Variants in TAFA5 observed in about 807,000 individuals in gnomAD.
The protein encoded by TAFA5 is chemokine-like protein TAFA-5.
In TAFA5, 6 loss-of-function variants were observed where a neutral mutation model predicts 15.3. The ratio of observed to expected loss-of-function variants is 0.39; its 90% confidence interval spans 0.21 to 0.77. The LOEUF (loss-of-function observed/expected upper bound fraction) is 0.77, where lower values mean the gene tolerates loss of function less well. Ranked by LOEUF, TAFA5 falls within the 30% of genes least tolerant of loss-of-function variation. TAFA5 has a pLI of 0.41. For missense variants in TAFA5, 161 were observed against 193.1 expected (o/e 0.83, Z 0.98); for synonymous variants, 103 against 80.7 (o/e 1.28, Z -1.48).
intron 1 of TAFA5, among the ~76,000 whole-genome samples, chr22:48,542,662 G>GGTGTGTGTGTGA (rs1922494640): frequency 1.2e-5 from 1 of 82,934 alleles, no homozygotes; most frequent in East Asian, 3.4e-4. Context: ...TGTGTGTGTG[G>GGTGTGTGTGTGA]TGTGTGTGTG....
At chr22:48,683,367 A>T (rs1001710591) in intron 2 of TAFA5, among the ~76,000 whole-genome samples, 2 of 152,258 alleles carry the variant, frequency 1.3e-5, no homozygotes, top group Admixed American at 6.5e-5. Context: ...CAGGTACGGC[A>T]CTTGCTGGGC....
intron 2 of TAFA5, among the ~76,000 whole-genome samples, chr22:48,664,192 T>A (rs1471880885): frequency 6.6e-6 from 1 of 152,114 alleles, no homozygotes; most frequent in Non-Finnish European, 1.5e-5. Context: ...GGCAGCTGGG[T>A]TTGGTACTCT....
intron 2 of TAFA5, among the ~76,000 whole-genome samples, chr22:48,658,270 T>C (rs1048097878): frequency 6.6e-6 from 1 of 152,196 alleles, no homozygotes; most frequent in African/African-American, 2.4e-5. Context: ...GTCTTACGAC[T>C]GCTGCGTTCC....
chr22:48,630,682 C>T (rs1387437354), intron 1 of TAFA5, among the ~76,000 whole-genome samples: 3 of 152,192 alleles, frequency 2.0e-5, no homozygotes, highest in Non-Finnish European at 4.4e-5. Context: ...TCACCGCCCT[C>T]CATCAGGGGC....
At chr22:48,565,873 A>G (rs1286490033) in intron 1 of TAFA5, among the ~76,000 whole-genome samples, 6 of 151,804 alleles carry the variant, frequency 4.0e-5, no homozygotes, top group Admixed American at 6.6e-5. Context: ...GACTGATGGT[A>G]GACAAATGGA....
intron 1 of TAFA5, among the ~76,000 whole-genome samples, chr22:48,510,709 C>T (rs934981823): frequency 1.3e-5 from 2 of 152,188 alleles, no homozygotes; most frequent in African/African-American, 4.8e-5. Flanking sequence ...CCCTGGCTTC[C>T]CTCCCCCATG....
At chr22:48,562,425 A>G (rs1923267393) in intron 1 of TAFA5, among the ~76,000 whole-genome samples, 3 of 152,296 alleles carry the variant, frequency 2.0e-5, no homozygotes, top group Admixed American at 1.3e-4. Flanking sequence ...GGCGTGAGCC[A>G]CCGCGCCCGG....
intron 2 of TAFA5, among the ~76,000 whole-genome samples, chr22:48,659,667 G>C (rs1007192471): frequency 1.3e-5 from 2 of 152,204 alleles, no homozygotes; most frequent in African/African-American, 4.8e-5. Context: ...GAGGGACCCA[G>C]CTGCTGTCCT....
At chr22:48,554,262 C>T (rs1294553859) in intron 1 of TAFA5, among the ~76,000 whole-genome samples, 4 of 151,904 alleles carry the variant, frequency 2.6e-5, no homozygotes, top group Non-Finnish European at 2.9e-5. Context: ...TAGTTTAGGC[C>T]GTCATTTTTT....
At chr22:48,586,820 A>G (rs1924379036) in intron 1 of TAFA5, among the ~76,000 whole-genome samples, 1 of 152,234 alleles carries the variant, frequency 6.6e-6, no homozygotes, top group East Asian at 1.9e-4. Flanking sequence ...TCAAGGATGC[A>G]GCCCCTTTGT....
chr22:48,533,979 G>A (rs983575676), intron 1 of TAFA5, among the ~76,000 whole-genome samples: 1 of 152,156 alleles, frequency 6.6e-6, no homozygotes, highest in Non-Finnish European at 1.5e-5. Context: ...AGTTAGCAAG[G>A]ACCCCTTAGC....
intron 1 of TAFA5, among the ~76,000 whole-genome samples, chr22:48,604,797 T>C (rs1414210607): frequency 6.6e-6 from 1 of 152,130 alleles, no homozygotes; most frequent in Non-Finnish European, 1.5e-5. Flanking sequence ...GCTGGGGGCC[T>C]CTCTAAGGGT....
intron 1 of TAFA5, 142 bp from the exon 2 acceptor site, chr22:48,646,455 G>A (rs1409871938): frequency 1.9e-5 from 20 of 1,080,194 alleles, no homozygotes; most frequent in Non-Finnish European, 1.9e-5. Context: ...AGGTGCTTTC[G>A]GACGCTCCCT....
intron 1 of TAFA5, among the ~76,000 whole-genome samples, chr22:48,503,109 G>A (rs936899736): frequency 1.3e-5 from 2 of 152,176 alleles, no homozygotes; most frequent in South Asian, 2.1e-4. Context: ...TGGCTGTGTC[G>A]GGAGGCAGCG....
At chr22:48,648,990 T>C (rs4522717) in intron 2 of TAFA5, among the ~76,000 whole-genome samples, 79,048 of 152,128 alleles carry the variant, frequency 0.52, 20,999 homozygotes, top group African/African-American at 0.62. Flanking sequence ...GAGCTCCCTC[T>C]GGGTGTCTCA....
At chr22:48,679,746 TCCCCAG>T (rs1928117282) in intron 2 of TAFA5, among the ~76,000 whole-genome samples, 1 of 48,274 alleles carries the variant, frequency 2.1e-5, no homozygotes, top group Non-Finnish European at 3.7e-5. Context: ...CTCTCCTGGC[TCCCCAG>T]CTCCCCGTCC....
chr22:48,658,773 G>T (rs1025595570), intron 2 of TAFA5, among the ~76,000 whole-genome samples: 5 of 152,200 alleles, frequency 3.3e-5, no homozygotes, highest in African/African-American at 1.2e-4. Context: ...GACCTAGGGC[G>T]TCGACGTGTA....
At chr22:48,535,409 T>C (rs1922121030) in intron 1 of TAFA5, among the ~76,000 whole-genome samples, 1 of 152,222 alleles carries the variant, frequency 6.6e-6, no homozygotes, top group Non-Finnish European at 1.5e-5. Flanking sequence ...ATTACACGGG[T>C]GTGTATATGT....
intron 2 of TAFA5, among the ~76,000 whole-genome samples, chr22:48,673,969 G>A (rs1410720140): frequency 6.6e-6 from 1 of 151,964 alleles, no homozygotes; most frequent in African/African-American, 2.4e-5. Context: ...GGCCCGTTCT[G>A]CCCCAGCCCT....
Sources: gnomAD v4.1 joint callset for allele counts (sites outside exome capture counted in the v4.1 genomes callset) on GRCh38, gnomAD v4.1.1 for gene constraint, MANE v1.5 for transcripts, NCBI Gene and HGNC (gene_info 2026-07-23, HGNC 2026-07-21) for gene names.